IDUA: variants seen among roughly 807,000 people sequenced by gnomAD.
IDUA encodes alpha-L-iduronidase, also known as iduronidase alpha-L-.
In IDUA, 65 loss-of-function variants were observed where a neutral mutation model predicts 68.9. The observed-to-expected ratio is 0.94, with a 90% CI of 0.77 to 1.16. IDUA has a LOEUF of 1.16. IDUA is among the 50% of genes most tolerant of loss of function. IDUA has a pLI of 0.00. For missense variants in IDUA, 1,046 were observed against 938.0 expected, an observed-to-expected ratio of 1.12 and a Z score of -1.50; for synonymous variants, 529 against 433.6, an observed-to-expected ratio of 1.22 and a Z score of -2.73.
intron 10 of IDUA, 90 bp downstream of exon 10, chr4:1,003,247 T>C (rs1715228134): frequency 6.9e-6 from 9 of 1,300,838 alleles, no homozygotes; most frequent in Non-Finnish European, 8.8e-6. Context: ...GCGGTGTGGG[T>C]GGGAGGTGGA....
chr4:989,383 G>C (rs749161317), intron 2 of IDUA: 1 of 1,575,538 alleles, frequency 6.3e-7, no homozygotes, highest in Admixed American at 1.8e-5. Context: ...GTAGAAGGCC[G>C]TGTCCCCGAT....
intron 2 of IDUA, among the ~76,000 whole-genome samples, chr4:993,760 C>T (rs970116708): frequency 4.6e-5 from 7 of 152,314 alleles, no homozygotes; most frequent in South Asian, 2.1e-4. Flanking sequence ...GCTTGGTCTC[C>T]GTGTCCAGTC....
chr4:988,689 T>A, intron 2 of IDUA: 1 of 1,413,096 alleles, frequency 7.1e-7, no homozygotes, highest in Non-Finnish European at 9.2e-7. Context: ...CCAGTTGGGG[T>A]TCCCCGGTTT....
intron 2 of IDUA, among the ~76,000 whole-genome samples, chr4:999,341 C>G (rs975492309): frequency 5.2e-4 from 79 of 152,192 alleles, no homozygotes; most frequent in African/African-American, 1.8e-3. Flanking sequence ...GCCTCATATC[C>G]CATGATATCC....
intron 2 of IDUA, chr4:990,059 TG>T: frequency 6.2e-7 from 1 of 1,601,712 alleles, no homozygotes. Flanking sequence ...AGCAGCTCCG[TG>T]GGCAGCGGCA....
chr4:989,257 AG>A, intron 2 of IDUA: 2 of 1,612,598 alleles, frequency 1.2e-6, no homozygotes, highest in Non-Finnish European at 1.7e-6. Context: ...CAGCCCCGTG[AG>A]GCTGTAGAGT....
At chr4:993,515 C>G (rs781779217) in intron 2 of IDUA, 1 of 152,290 alleles carries the variant, frequency 6.6e-6, no homozygotes, top group Non-Finnish European at 1.5e-5. Context: ...GTTACCTGAT[C>G]GGCTGATCCG....
At position 987,270 on chromosome 4, in the gene IDUA, C is replaced by A. The variant is rs761826464; in HGVS notation, c.158+28C>A. ...GAGCGCTCCGCGGCCTCCGGGACCC[C>A]CTGGCCGCACGGGGAGAGCTCGGGC... On this transcript the variant is annotated intron_variant, in intron 1 of 13. Transcript: ENST00000514224. 9 of 1,510,724 alleles carry A rather than the reference C, an allele frequency of 6.0e-6. 1 individual carries two copies. In the Admixed American group the frequency reaches 6.1e-5, roughly 10 times the overall value. 93.6% of individuals were successfully genotyped at this position (1,510,724 alleles called of 1,614,324 possible). A position where few individuals can be genotyped will look rare whatever the true frequency, so the allele number is the denominator to read the frequency against.
intron 2 of IDUA, chr4:990,224 G>A (rs1231319793): frequency 3.2e-6 from 5 of 1,569,120 alleles, no homozygotes; most frequent in Non-Finnish European, 3.5e-6. Flanking sequence ...GGCCCCTGGT[G>A]CCGCGGGATC....
At chr4:988,545 T>G (rs1577510528) in intron 2 of IDUA, 1 of 1,271,378 alleles carries the variant, frequency 7.9e-7, no homozygotes. Context: ...GAGCGTCAGG[T>G]CAGGCCCATC....
At chr4:989,432 C>G in intron 2 of IDUA, 11 of 1,554,760 alleles carry the variant, frequency 7.1e-6, no homozygotes, top group Non-Finnish European at 9.6e-6. Flanking sequence ...TGGGTGCGGC[C>G]GGCCAGGCTG....
chr4:998,042 G>A (rs1252652448), intron 2 of IDUA, among the ~76,000 whole-genome samples: 2 of 152,244 alleles, frequency 1.3e-5, no homozygotes, highest in African/African-American at 4.8e-5. Flanking sequence ...ACTTTGGAAT[G>A]CACCTTCTGG....
Position 1,001,851 on chromosome 4 carries a change from G to A in IDUA, c.762G>A (p.Val254=). 1 of 1,596,862 alleles carries A rather than the reference G, an allele frequency of 6.3e-7. No homozygotes were observed. The highest frequency in any genetic ancestry group is 8.5e-7 in the Non-Finnish European group (1 of 1,173,488). ...GTNFFTGEAG[V]RLDYISLHRK... The stretch of plus-strand genomic sequence containing the variant: ...ACTTCTTCACTGGGGAGGCGGGCGT[G>A]CGGCTGGACTACATCTCCCTCCACA... Residue 254 remains valine (V), a synonymous_variant, in exon 6 of 14, where the codon GTG becomes GTA. Coordinates refer to ENST00000514224, the MANE Select transcript of IDUA (RefSeq NM_000203.5).
rs1200080492 is a variant in IDUA, at chr4:1,004,352, G to A, written c.1921G>A (p.Val641Ile). ...PFSDPVPYLE[V>I]PVPRGPPSPG... The stretch of plus-strand genomic sequence containing the variant: ...CTCGGACCCTGTGCCGTACCTGGAG[G>A]TCCCTGTGCCAAGAGGGCCCCCATC... The change falls in exon 14 of 14, where the codon GTC becomes ATC. Residue 641 changes from valine (V) to isoleucine (I), a missense_variant. Val to Ile is a conservative substitution (Grantham distance 29). Transcript: ENST00000514224. This position sits in a 1 kb window ranked among gnomAD's most constrained non-coding sequence, Gnocchi z 5.0. The A allele has an allele frequency of 6.2e-7, 1 of 1,611,660 alleles. No homozygotes were observed. The highest frequency in any genetic ancestry group is 1.3e-5 in the African/African-American group (1 of 74,990).
At chr4:997,538 C>A (rs1440763592) in intron 2 of IDUA, among the ~76,000 whole-genome samples, 1 of 151,452 alleles carries the variant, frequency 6.6e-6, no homozygotes, top group Non-Finnish European at 1.5e-5. Flanking sequence ...CGCGGCCGCG[C>A]GGTGAATGAG....
At position 1,004,442 on chromosome 4, in the gene IDUA, C is replaced by T. The variant is rs750806141; in HGVS notation, c.*49C>T. The T allele has an allele frequency of 2.6e-5, 41 of 1,599,246 alleles. No homozygotes were observed. The highest frequency in any genetic ancestry group is 2.3e-4 in the South Asian group (21 of 90,796). ...TGCACCTCCACCGGCAGTCAGCGAG[C>T]TGGGGCTGCACTGTGCCCATGCTGC... On this transcript the variant is annotated 3_prime_UTR_variant, in exon 14 of 14. Coordinates refer to ENST00000514224, the MANE Select transcript of IDUA (RefSeq NM_000203.5). The surrounding 1 kb of genome is among the most constrained non-coding windows in gnomAD (Gnocchi z 5.0).
intron 2 of IDUA, among the ~76,000 whole-genome samples, chr4:994,431 G>T (rs1182652437): frequency 7.1e-6 from 1 of 141,432 alleles, no homozygotes; most frequent in South Asian, 2.3e-4. Flanking sequence ...GCCCGCCACC[G>T]CGCCCGGCTA....
At position 1,004,275 on chromosome 4, in the gene IDUA, C is replaced by G. The variant is rs1200975020; in HGVS notation, c.1844C>G (p.Ser615Cys). 1 of 1,610,424 alleles carries G rather than the reference C, an allele frequency of 6.2e-7. No individual in the cohort carries two copies. Among genetic ancestry groups the G allele is most frequent in the Admixed American group, 1.7e-5 (1 of 60,008 alleles). Residue 615 changes from serine (S) to cysteine (C), a missense_variant, in exon 14 of 14, where the codon TCT becomes TGT. Coordinates refer to ENST00000514224, the MANE Select transcript of IDUA (RefSeq NM_000203.5). This position sits in a 1 kb window ranked among gnomAD's most constrained non-coding sequence, Gnocchi z 5.0. Reference protein sequence around the residue: ...FVFSPDTGAVSGSYRVRALDY... With the variant: ...FVFSPDTGAVCGSYRVRALDY... ...TTGTCTCCAGACACAGGTGCTGTCT[C>G]TGGCTCCTACCGAGTTCGAGCCCTG... is the stretch of plus-strand genomic sequence containing the variant.
chr4:994,587 G>A (rs1435089018), intron 2 of IDUA, among the ~76,000 whole-genome samples: 4 of 151,474 alleles, frequency 2.6e-5, no homozygotes, highest in African/African-American at 4.9e-5. Context: ...ACAGGCACCC[G>A]CCACCACGCC....
Sources: gnomAD v4.1 joint callset for allele counts (sites outside exome capture counted in the v4.1 genomes callset) on GRCh38, gnomAD v4.1.1 for gene constraint, Gnocchi (gnomAD v3.1) non-coding constraint, MANE v1.5 for transcripts, NCBI Gene and HGNC (gene_info 2026-07-23, HGNC 2026-07-21) for gene names.